The following ADGRL3 variants were observed in gnomAD, a reference collection of about 807,000 sequenced individuals.
The protein encoded by ADGRL3 is adhesion G protein-coupled receptor L3.
A neutral mutation model predicts 153.5 loss-of-function variants in ADGRL3; 62 were observed. That is an observed-to-expected ratio of 0.40 (90% CI 0.33 to 0.50). The LOEUF (loss-of-function observed/expected upper bound fraction) is 0.50, where lower values mean the gene tolerates loss of function less well. ADGRL3 is among the 20% of genes least tolerant of loss of function. The pLI is 0.47. For missense variants in ADGRL3, 1,641 were observed against 1,859.4 expected (o/e 0.88, Z 2.16); for synonymous variants, 710 against 672.5 (o/e 1.06, Z -0.86).
intron 2 of ADGRL3, among the ~76,000 whole-genome samples, chr4:61,449,768 AC>A (rs1369149714): frequency 3.9e-5 from 6 of 152,128 alleles, no homozygotes. Flanking sequence ...TTTTTAGTTA[AC>A]CAAGGACTCT....
At chr4:61,454,339 T>C (rs932185975) in intron 2 of ADGRL3, among the ~76,000 whole-genome samples, 1 of 152,190 alleles carries the variant, frequency 6.6e-6, no homozygotes, top group East Asian at 1.9e-4. Flanking sequence ...TTTGTTTGGC[T>C]TGTTTTTTAT....
At chr4:61,558,298 T>C (rs1473359060) in intron 4 of ADGRL3, among the ~76,000 whole-genome samples, 2 of 150,850 alleles carry the variant, frequency 1.3e-5, no homozygotes, top group African/African-American at 2.4e-5. Context: ...TTTTAAATAG[T>C]TCTTCTTATG....
At chr4:62,000,306 A>G (rs1017501830) in intron 21 of ADGRL3, among the ~76,000 whole-genome samples, 24 of 151,818 alleles carry the variant, frequency 1.6e-4, no homozygotes, top group African/African-American at 5.8e-4. Flanking sequence ...AATTCAACAA[A>G]AGGTAAAGAC....
intron 1 of ADGRL3, among the ~76,000 whole-genome samples, chr4:61,329,620 G>A (rs2095531197): frequency 6.6e-6 from 1 of 152,076 alleles, no homozygotes; most frequent in South Asian, 2.1e-4. Context: ...TCTTTCTGTG[G>A]TGTGCACATA....
rs1189171329 is a variant in ADGRL3, at chr4:61,863,231, C to CTTTTT, written c.1481-29405_1481-29401dup. 8.3e-3 allele frequency among the ~76,000 whole-genome samples: 673 copies of CTTTTT among 80,834 alleles called. 6 individuals carry two copies. The highest frequency in any genetic ancestry group is 0.014 in the Middle Eastern group (1 of 74). 53.0% of individuals were successfully genotyped at this position (80,834 alleles called of 152,430 possible). A position where few individuals can be genotyped will look rare whatever the true frequency, so the allele number is the denominator to read the frequency against. On this transcript the variant is annotated intron_variant, in intron 9 of 26. Transcript: ENST00000683033. ...GTGTACATCATGTCTGGGCATCATTCTTTTTTTTTTTTTTTTTTTTTTTTG... is the reference window on the plus strand; with the variant it reads ...GTGTACATCATGTCTGGGCATCATTCTTTTTTTTTTTTTTTTTTTTTTTTTTTTTG...
At chr4:61,871,695 G>A (rs1167694863) in intron 9 of ADGRL3, among the ~76,000 whole-genome samples, 1 of 152,086 alleles carries the variant, frequency 6.6e-6, no homozygotes, top group African/African-American at 2.4e-5. Flanking sequence ...TTTGTTATAC[G>A]CACAATTCTA....
rs568535668 is a variant in ADGRL3 at position 61,409,230 on chromosome 4, T to G, written c.-174+26041T>G. On this transcript the variant is annotated intron_variant, in intron 2 of 26. Transcript: ENST00000683033. ...TATTAGACATACATAATATATATTATATATATTAGACATACATAATATATA... is the reference window on the plus strand; with the variant it reads ...TATTAGACATACATAATATATATTAGATATATTAGACATACATAATATATA... 7.6e-3 allele frequency among the ~76,000 whole-genome samples: 1,038 copies of G among 136,770 alleles called. 12 individuals carry two copies. Among genetic ancestry groups the G allele is most frequent in the Non-Finnish European group, 0.011 (707 of 64,286 alleles). 89.7% of individuals were successfully genotyped at this position (136,770 alleles called of 152,430 possible).
intron 5 of ADGRL3, among the ~76,000 whole-genome samples, chr4:61,616,264 A>T (rs1465117303): frequency 6.6e-6 from 1 of 152,184 alleles, no homozygotes; most frequent in African/African-American, 2.4e-5. Context: ...TTTAAAAAGC[A>T]GTGTCTTACT....
chr4:61,738,935 G>C (rs2096550878), intron 8 of ADGRL3, among the ~76,000 whole-genome samples: 2 of 152,042 alleles, frequency 1.3e-5, no homozygotes, highest in African/African-American at 4.8e-5. Flanking sequence ...GCAAAGTTTA[G>C]AAGAAGTTTA....
rs534936149 is a variant in ADGRL3 at position 61,497,460 on chromosome 4, T to C, written c.55+112T>C. ...TGCTTTGTAGTTTTTCCTTATCATA[T>C]GTTAGTATGAGTAAGTTAAAATAAA... On this transcript the variant is annotated intron_variant, in intron 3 of 26. Transcript: ENST00000683033. The C allele has an allele frequency of 1.5e-4, 85 of 585,804 alleles. 1 individual carries two copies. Among genetic ancestry groups the C allele is most frequent in the Non-Finnish European group, 2.2e-4 (76 of 343,652 alleles). 36.3% of individuals were successfully genotyped at this position (585,804 alleles called of 1,614,324 possible).
chr4:61,507,712 T>C (rs944035404), intron 3 of ADGRL3, among the ~76,000 whole-genome samples: 3 of 152,058 alleles, frequency 2.0e-5, no homozygotes, highest in Non-Finnish European at 2.9e-5. Context: ...CTTACTACCA[T>C]TAAAAAGCAA....
At chr4:61,785,819 AATTTAATGTAAC>A (rs2097269692) in intron 8 of ADGRL3, among the ~76,000 whole-genome samples, 1 of 152,198 alleles carries the variant, frequency 6.6e-6, no homozygotes, top group South Asian at 2.1e-4. Flanking sequence ...TGCTAAGATT[AATTTAATGTAAC>A]ATTTCCAGAG....
intron 8 of ADGRL3, among the ~76,000 whole-genome samples, chr4:61,812,686 T>C (rs1300905722): frequency 6.6e-6 from 1 of 152,200 alleles, no homozygotes; most frequent in African/African-American, 2.4e-5. Context: ...TTATTATCAG[T>C]ATACAAACAA....
chr4:61,719,079 A>G (rs1283578544), intron 6 of ADGRL3, among the ~76,000 whole-genome samples: 1 of 152,186 alleles, frequency 6.6e-6, no homozygotes, highest in Non-Finnish European at 1.5e-5. Flanking sequence ...GTATCACATT[A>G]TATACATTTG....
chr4:62,068,125 C>A, intron 25 of ADGRL3, 41 bp from the exon 26 acceptor site: 1 of 1,422,926 alleles, frequency 7.0e-7, no homozygotes, highest in Non-Finnish European at 9.6e-7. Context: ...TGTAAGCTTA[C>A]TTGTTGTTTT....
intron 1 of ADGRL3, among the ~76,000 whole-genome samples, chr4:61,241,442 T>C (rs1221520810): frequency 6.6e-6 from 1 of 152,098 alleles, no homozygotes; most frequent in African/African-American, 2.4e-5. Context: ...ATACTGAAAC[T>C]ACTTTTATCA....
At chr4:61,959,024 G>A (rs1379643316) in intron 17 of ADGRL3, among the ~76,000 whole-genome samples, 1 of 152,024 alleles carries the variant, frequency 6.6e-6, no homozygotes, top group Non-Finnish European at 1.5e-5. Flanking sequence ...ATAAAATTTA[G>A]GTAATGTAAT....
intron 5 of ADGRL3, among the ~76,000 whole-genome samples, chr4:61,647,931 T>A (rs180701469): frequency 8.2e-4 from 125 of 152,248 alleles, no homozygotes; most frequent in African/African-American, 3.0e-3. Context: ...CAAAGCAAAA[T>A]AATCTTCAAG....
chr4:61,883,218 T>C (rs571663560), intron 9 of ADGRL3, among the ~76,000 whole-genome samples: 58 of 152,344 alleles, frequency 3.8e-4, no homozygotes, highest in Non-Finnish European at 6.2e-4. Flanking sequence ...CACTTCTTAA[T>C]ATCTAATATA....
Sources: gnomAD v4.1 joint callset for allele counts (sites outside exome capture counted in the v4.1 genomes callset) on GRCh38, gnomAD v4.1.1 for gene constraint, MANE v1.5 for transcripts, NCBI Gene and HGNC (gene_info 2026-07-23, HGNC 2026-07-21) for gene names.